FANK1: variants seen among roughly 807,000 people sequenced by gnomAD.
FANK1 encodes the protein fibronectin type III and ankyrin repeat domains 1.
In FANK1, 44 loss-of-function variants were observed where a neutral mutation model predicts 45.3. The ratio of observed to expected loss-of-function variants is 0.97; its 90% confidence interval spans 0.76 to 1.25. The LOEUF (loss-of-function observed/expected upper bound fraction) is 1.25, where lower values mean the gene tolerates loss of function less well. Among genes scored for constraint, FANK1 ranks in the 50% most tolerant of loss-of-function variants. The pLI is 0.00. For synonymous variants in FANK1, 149 were observed against 152.5 expected (o/e 0.98, Z 0.17); for missense variants, 391 against 424.4 (o/e 0.92, Z 0.69).
At chr10:125,996,256 C>T (rs1251970295) in intron 4 of FANK1, among the ~76,000 whole-genome samples, 1 of 152,218 alleles carries the variant, frequency 6.6e-6, no homozygotes, top group Non-Finnish European at 1.5e-5. Context: ...GCTGTGTTCA[C>T]TGGAGAGTGC....
intron 3 of FANK1, among the ~76,000 whole-genome samples, chr10:125,992,069 G>A (rs565310475): frequency 3.1e-4 from 47 of 151,380 alleles, no homozygotes; most frequent in Admixed American, 7.9e-4. Context: ...AGAAAAACCC[G>A]CAGAGCAATG....
chr10:125,969,932 T>TG (rs1950392060), intron 1 of FANK1, among the ~76,000 whole-genome samples: 1 of 152,204 alleles, frequency 6.6e-6, no homozygotes, highest in African/African-American at 2.4e-5. Flanking sequence ...TCAGAGAGCA[T>TG]GGGGTTGGGG....
At chr10:125,900,560 G>A (rs1300433225) in intron 1 of FANK1, among the ~76,000 whole-genome samples, 2 of 151,992 alleles carry the variant, frequency 1.3e-5, no homozygotes, top group Admixed American at 6.6e-5. Context: ...TGTTCTGTAA[G>A]CTCTTGCTAT....
chr10:125,981,181 C>T (rs577872014), intron 2 of FANK1, among the ~76,000 whole-genome samples: 1 of 152,288 alleles, frequency 6.6e-6, no homozygotes, highest in South Asian at 2.1e-4. Context: ...CCAAATGCTT[C>T]TGGCATGAAC....
chr10:125,993,793 TA>T (rs534621604), intron 3 of FANK1, among the ~76,000 whole-genome samples: 1 of 152,262 alleles, frequency 6.6e-6, no homozygotes, highest in Non-Finnish European at 1.5e-5. Flanking sequence ...ATAATGTAGC[TA>T]AAAAAAGTCT....
chr10:125,945,833 G>T (rs577510471), intron 1 of FANK1, among the ~76,000 whole-genome samples: 1 of 152,230 alleles, frequency 6.6e-6, no homozygotes, highest in Non-Finnish European at 1.5e-5. Context: ...AGTAACCTCT[G>T]CAGGCTTAAG....
intron 1 of FANK1, among the ~76,000 whole-genome samples, chr10:125,953,289 G>A (rs1482946818): frequency 3.9e-5 from 6 of 152,124 alleles, no homozygotes; most frequent in African/African-American, 1.2e-4. Context: ...AGGCTCTATG[G>A]CTGAAGTTGG....
intron 1 of FANK1, among the ~76,000 whole-genome samples, chr10:125,910,973 G>C (rs1309952185): frequency 6.6e-6 from 1 of 150,958 alleles, no homozygotes. Flanking sequence ...GGCAGAGTTT[G>C]TAGTGAACCG....
chr10:125,925,672 C>T (rs113385696), intron 1 of FANK1, among the ~76,000 whole-genome samples: 32 of 152,206 alleles, frequency 2.1e-4, no homozygotes, highest in Non-Finnish European at 4.3e-4. Flanking sequence ...ACTGGGATTA[C>T]AGACATGTGC....
At chr10:125,989,228 T>G (rs1951767373) in intron 3 of FANK1, 3 of 1,507,888 alleles carry the variant, frequency 2.0e-6, no homozygotes, top group Admixed American at 2.0e-5. Flanking sequence ...GTTTTAAGGT[T>G]GTTTCTGAGA....
intron 1 of FANK1, among the ~76,000 whole-genome samples, chr10:125,955,814 A>G (rs1261122922): frequency 6.6e-6 from 1 of 152,132 alleles, no homozygotes; most frequent in Admixed American, 6.5e-5. Flanking sequence ...TCTCAGTTGT[A>G]TGCTTCATCT....
intron 1 of FANK1, among the ~76,000 whole-genome samples, chr10:125,942,514 G>A (rs184362225): frequency 3.0e-4 from 46 of 152,174 alleles, no homozygotes; most frequent in Non-Finnish European, 5.7e-4. Flanking sequence ...AACGATTTGA[G>A]GAGGAGGACA....
intron 2 of FANK1, among the ~76,000 whole-genome samples, chr10:125,982,868 C>T (rs913068284): frequency 1.3e-5 from 2 of 151,674 alleles, no homozygotes; most frequent in African/African-American, 4.8e-5. Flanking sequence ...ATCCCCAGCT[C>T]CTACACCTGC....
rs78042781 is a variant in FANK1, at chr10:125,943,751, C to T, written c.14-36410C>T. On this transcript the variant is annotated intron_variant, in intron 1 of 10. Transcript: ENST00000368693. ...ATAATGGGCAAACCACCTCACTATC[C>T]TTAGACCCTTGAATACTAAGTTGGC... Among the ~76,000 whole-genome samples, 91 of 152,282 alleles carry T rather than the reference C, an allele frequency of 6.0e-4. No individual in the cohort carries two copies. In the East Asian group the frequency reaches 8.9e-3, roughly 15 times the overall value.
At chr10:125,977,013 T>G (rs1403472031) in intron 1 of FANK1, among the ~76,000 whole-genome samples, 1 of 152,186 alleles carries the variant, frequency 6.6e-6, no homozygotes, top group Non-Finnish European at 1.5e-5. Context: ...TCTATATCAT[T>G]TTACTGTGAT....
intron 1 of FANK1, among the ~76,000 whole-genome samples, chr10:125,954,342 C>A (rs530752567): frequency 1.1e-3 from 174 of 152,144 alleles, no homozygotes; most frequent in Non-Finnish European, 2.2e-3. Context: ...AGCAAGGATG[C>A]TGAACAAGCT....
intron 1 of FANK1, among the ~76,000 whole-genome samples, chr10:125,946,929 A>G (rs1391505473): frequency 1.3e-5 from 2 of 148,936 alleles, no homozygotes; most frequent in Non-Finnish European, 3.0e-5. Flanking sequence ...CAGAAACCCT[A>G]CAAGCCAGAA....
chr10:125,940,756 T>C (rs369915995), intron 1 of FANK1, among the ~76,000 whole-genome samples: 22 of 152,326 alleles, frequency 1.4e-4, no homozygotes, highest in East Asian at 1.3e-3. Flanking sequence ...TACCCAGGCT[T>C]TCTTGGGCAG....
chr10:125,935,134 TC>T (rs1948014147), intron 1 of FANK1, among the ~76,000 whole-genome samples: 1 of 152,264 alleles, frequency 6.6e-6, no homozygotes, highest in East Asian at 1.9e-4. Context: ...TCTTGGGACA[TC>T]CCCCCATTCA....
Sources: allele counts gnomAD v4.1 joint callset (sites outside exome capture counted in the v4.1 genomes callset), GRCh38; gene constraint gnomAD v4.1.1; transcripts MANE v1.5; gene names NCBI Gene and HGNC (gene_info 2026-07-23, HGNC 2026-07-21).